Variants in SEMA6D observed in about 807,000 individuals in gnomAD.
SEMA6D encodes the protein semaphorin 6D.
SEMA6D carries 35 observed loss-of-function variants against 106.6 expected under a neutral mutation model. The ratio of observed to expected loss-of-function variants is 0.33; its 90% confidence interval spans 0.25 to 0.44. The LOEUF is 0.44. SEMA6D is among the 20% of genes least tolerant of loss of function. SEMA6D has a pLI of 1.00. For synonymous variants in SEMA6D, 499 were observed against 487.7 expected (o/e 1.02, Z -0.31); for missense variants, 1,185 against 1,345.9 (o/e 0.88, Z 1.87).
At chr15:47,583,518 C>T (rs1425113312) in intron 3 of SEMA6D, among the ~76,000 whole-genome samples, 1 of 152,160 alleles carries the variant, frequency 6.6e-6, no homozygotes, top group Admixed American at 6.5e-5. Context: ...CTCACCCCAA[C>T]AGGCGGTCTC....
At chr15:47,476,569 C>T (rs1327404411) in intron 3 of SEMA6D, among the ~76,000 whole-genome samples, 1 of 152,212 alleles carries the variant, frequency 6.6e-6, no homozygotes, top group South Asian at 2.1e-4. Flanking sequence ...CCATGATCCA[C>T]TTTAAAGCCT....
At chr15:47,417,192 G>T (rs1422260304) in intron 2 of SEMA6D, among the ~76,000 whole-genome samples, 1 of 152,006 alleles carries the variant, frequency 6.6e-6, no homozygotes, top group Admixed American at 6.6e-5. Context: ...CGATATTGTT[G>T]TAAAAGGCAC....
intron 3 of SEMA6D, among the ~76,000 whole-genome samples, chr15:47,577,790 C>T (rs1452889176): frequency 1.3e-5 from 2 of 152,208 alleles, no homozygotes; most frequent in Non-Finnish European, 2.9e-5. Context: ...CTGTTCTCTG[C>T]CTCAGCAAGG....
rs190015818 is a variant in SEMA6D at position 47,314,314 on chromosome 15, G to A, written c.-238-98079G>A. On this transcript the variant is annotated intron_variant, in intron 1 of 19. Transcript: ENST00000558014. ...TTCCTATTAGTGTTAAGAATTCTTT[G>A]TAGACCGGGCGCGGTGGCTCACGCC... is the stretch of plus-strand genomic sequence containing the variant. Among the ~76,000 whole-genome samples the A allele has an allele frequency of 6.0e-3, 913 of 152,198 alleles. 4 individuals are homozygous for A. Among genetic ancestry groups the A allele is most frequent in the Admixed American group, 9.2e-3 (141 of 15,280 alleles).
chr15:47,508,128 G>A (rs543549912), intron 3 of SEMA6D, among the ~76,000 whole-genome samples: 6 of 152,172 alleles, frequency 3.9e-5, no homozygotes, highest in East Asian at 1.9e-4. Flanking sequence ...AGCTACAAAG[G>A]TACCCGCCTC....
At chr15:47,449,692 C>T (rs1031379236) in intron 2 of SEMA6D, among the ~76,000 whole-genome samples, 1 of 152,150 alleles carries the variant, frequency 6.6e-6, no homozygotes, top group African/African-American at 2.4e-5. Flanking sequence ...TTCTCCATGC[C>T]TTACTGACAG....
intron 2 of SEMA6D, among the ~76,000 whole-genome samples, chr15:47,429,144 C>G (rs1195635866): frequency 1.3e-5 from 2 of 151,984 alleles, no homozygotes; most frequent in African/African-American, 4.8e-5. Context: ...GTTGCCTGCC[C>G]AACACCCAGA....
At chr15:47,639,950 A>G (rs907926555) in intron 4 of SEMA6D, among the ~76,000 whole-genome samples, 1 of 152,226 alleles carries the variant, frequency 6.6e-6, no homozygotes, top group Non-Finnish European at 1.5e-5. Context: ...GCAAAAAGAC[A>G]TTGGGTAAAA....
At chr15:47,599,323 G>A (rs1319958878) in intron 3 of SEMA6D, among the ~76,000 whole-genome samples, 2 of 152,064 alleles carry the variant, frequency 1.3e-5, no homozygotes, top group African/African-American at 2.4e-5. Context: ...GGAGGTTGTT[G>A]CTCCTCTGTT....
chr15:47,771,786 G>A lies in SEMA6D; in HGVS notation c.*1G>A, dbSNP rs1243645654. 1 of 1,610,200 alleles carries A rather than the reference G, an allele frequency of 6.2e-7. No homozygotes were observed. The highest frequency in any genetic ancestry group is 8.5e-7 in the Non-Finnish European group (1 of 1,177,924). The stretch of plus-strand genomic sequence containing the variant: ...ACCACTGAACAAATACACATACTAG[G>A]CCTCAAGTGTGCTATTCCCATGTGG... On this transcript the variant is annotated 3_prime_UTR_variant, in exon 19 of 19. Transcript: ENST00000536845.
intron 4 of SEMA6D, among the ~76,000 whole-genome samples, chr15:47,691,768 T>C (rs1308562254): frequency 6.6e-6 from 1 of 151,910 alleles, no homozygotes; most frequent in East Asian, 1.9e-4. Context: ...AAACCCTATA[T>C]TGAGTGCCCA....
intron 3 of SEMA6D, among the ~76,000 whole-genome samples, chr15:47,560,673 A>G (rs1255467558): frequency 3.3e-5 from 5 of 152,156 alleles, no homozygotes; most frequent in Non-Finnish European, 4.4e-5. Flanking sequence ...CCAAAAAGAC[A>G]TTAAAGTCTT....
chr15:47,335,125 G>A (rs2037499322), intron 1 of SEMA6D, among the ~76,000 whole-genome samples: 1 of 152,044 alleles, frequency 6.6e-6, no homozygotes, highest in African/African-American at 2.4e-5. Context: ...CAGTATGGGG[G>A]AAGGGCAAAA....
intron 3 of SEMA6D, among the ~76,000 whole-genome samples, chr15:47,588,239 A>G (rs985237714): frequency 6.6e-6 from 1 of 152,066 alleles, no homozygotes; most frequent in African/African-American, 2.4e-5. Context: ...TTCCTGCCCC[A>G]CTATCCTTCC....
intron 1 of SEMA6D, among the ~76,000 whole-genome samples, chr15:47,246,913 G>T (rs1385253403): frequency 6.6e-6 from 1 of 152,138 alleles, no homozygotes; most frequent in Non-Finnish European, 1.5e-5. Context: ...ACGGGTCTGG[G>T]TGTGTGGCGG....
chr15:47,208,242 C>T (rs1204856149), intron 1 of SEMA6D, among the ~76,000 whole-genome samples: 8 of 151,872 alleles, frequency 5.3e-5, no homozygotes, highest in Middle Eastern at 3.2e-3. Flanking sequence ...AATTAGTTAA[C>T]GTATTAAAAC....
chr15:47,435,238 A>T (rs2041663763), intron 2 of SEMA6D, among the ~76,000 whole-genome samples: 1 of 152,086 alleles, frequency 6.6e-6, no homozygotes, highest in African/African-American at 2.4e-5. Flanking sequence ...ATTCTAAACA[A>T]CAGTCTAGAA....
At chr15:47,363,637 T>C (rs949718902) in intron 1 of SEMA6D, among the ~76,000 whole-genome samples, 2 of 152,104 alleles carry the variant, frequency 1.3e-5, no homozygotes, top group African/African-American at 4.8e-5. Context: ...GGCGATTTCA[T>C]CATTGTGCCA....
chr15:47,252,384 C>CA (rs915170772), intron 1 of SEMA6D, among the ~76,000 whole-genome samples: 77 of 152,230 alleles, frequency 5.1e-4, no homozygotes, highest in African/African-American at 1.8e-3. Flanking sequence ...AGACCTTTAT[C>CA]ATCTCTTTGT....
Sources: allele counts gnomAD v4.1 joint callset (sites outside exome capture counted in the v4.1 genomes callset), GRCh38; gene constraint gnomAD v4.1.1; transcripts MANE v1.5; gene names NCBI Gene and HGNC (gene_info 2026-07-23, HGNC 2026-07-21).